Variants in PCDHGA4 observed in about 807,000 individuals in gnomAD.
PCDHGA4 encodes the protein protocadherin gamma subfamily A, 4, also known as protocadherin gamma-A4.
Under a neutral mutation model 54.6 loss-of-function variants are expected in PCDHGA4, and 38 were observed. The observed-to-expected ratio is 0.70, with a 90% CI of 0.54 to 0.91. The LOEUF (loss-of-function observed/expected upper bound fraction) is 0.91. Among genes scored for constraint, PCDHGA4 ranks in the 40% least tolerant of loss-of-function variants. PCDHGA4 has a pLI of 0.00. For synonymous variants in PCDHGA4, 511 were observed against 512.9 expected (o/e 1.00, Z 0.05); for missense variants, 1,298 against 1,220.9 (o/e 1.06, Z -0.94).
chr5:141,400,175 A>G (rs374505357), intron 1 of PCDHGA4: 1 of 1,613,918 alleles, frequency 6.2e-7, no homozygotes, highest in Non-Finnish European at 8.5e-7. Flanking sequence ...CCCCAGGCTG[A>G]GCTGCAGTTT....
rs946798767 is a variant in PCDHGA4 at position 141,438,591 on chromosome 5, C to CATATAT, written c.2515-56176_2515-56171dup. Among the ~76,000 whole-genome samples the CATATAT allele has an allele frequency of 1.5e-3, 111 of 75,470 alleles. 1 individual carries two copies. Among genetic ancestry groups the CATATAT allele is most frequent in the Non-Finnish European group, 2.3e-3 (84 of 37,244 alleles). 49.5% of individuals were successfully genotyped at this position (75,470 alleles called of 152,430 possible). A position where few individuals can be genotyped will look rare whatever the true frequency, so the allele number is the denominator to read the frequency against. ...TCTGATATACATACATACATACATA[C>CATATAT]ATATATATATATATATATATATATA... On this transcript the variant is annotated intron_variant, in intron 1 of 3. Transcript: ENST00000571252.
intron 1 of PCDHGA4, 161 bp downstream of exon 1, chr5:141,357,782 G>A: frequency 1.2e-6 from 1 of 860,438 alleles, no homozygotes; most frequent in Non-Finnish European, 1.7e-6. Context: ...ATGATCAACA[G>A]TATTTACCAC....
chr5:141,376,321 T>A (rs764863792), intron 1 of PCDHGA4: 5 of 1,614,176 alleles, frequency 3.1e-6, no homozygotes, highest in African/African-American at 1.3e-5. Flanking sequence ...TGGAAGGGGT[T>A]CGGGCTTTCC....
chr5:141,464,530 T>C (rs375523203), intron 1 of PCDHGA4, among the ~76,000 whole-genome samples: 1 of 152,108 alleles, frequency 6.6e-6, no homozygotes, highest in African/African-American at 2.4e-5. Flanking sequence ...TATGTAGTTT[T>C]GTTAAATATA....
chr5:141,411,285 A>C (rs2095477948), intron 1 of PCDHGA4: 1 of 152,218 alleles, frequency 6.6e-6, no homozygotes, highest in South Asian at 2.1e-4. Flanking sequence ...AAAAATATTC[A>C]GAAGACAGGC....
At position 141,356,958 on chromosome 5, in the gene PCDHGA4, C is replaced by T; in HGVS notation, c.1851C>T (p.Tyr617=). 1 of 1,614,256 alleles carries T rather than the reference C, an allele frequency of 6.2e-7. No homozygotes were observed. The highest frequency in any genetic ancestry group is 8.5e-7 in the Non-Finnish European group (1 of 1,180,046). ...ELAPRSADSG[Y]LVTKVVAVDR... is the part of the protein sequence containing the mutation. ...CACCCCGCTCCGCAGATTCCGGCTA[C>T]CTGGTGACCAAAGTGGTGGCAGTGG... The change falls in exon 1 of 4, where the codon TAC becomes TAT. Residue 617 remains tyrosine, a synonymous_variant. Transcript: ENST00000571252.
rs759346998 is a variant in PCDHGA4 at position 141,410,849 on chromosome 5, C to CTTTTTTTTTT, written c.2514+53241_2514+53250dup. ...CAGACTGAAGATATTTTGTCTTTGT[C>CTTTTTTTTTT]TTTTTTTTTTTTTTTTTTTTTTGAG... On this transcript the variant is annotated intron_variant, in intron 1 of 3. Coordinates refer to ENST00000571252, the MANE Select transcript of PCDHGA4 (RefSeq NM_018917.4). 91 of 138,162 alleles carry CTTTTTTTTTT rather than the reference C, an allele frequency of 6.6e-4. 6 individuals are homozygous for CTTTTTTTTTT. The highest frequency in any genetic ancestry group is 2.3e-3 in the African/African-American group (38 of 16,624). The allele number at this position is 138,162 out of a possible 1,614,324, so 8.6% of individuals were successfully genotyped here. A position where few individuals can be genotyped will look rare whatever the true frequency, so the allele number is the denominator to read the frequency against.
chr5:141,372,307 C>T, intron 1 of PCDHGA4: 3 of 1,613,452 alleles, frequency 1.9e-6, no homozygotes, highest in Non-Finnish European at 2.5e-6. Context: ...AGGGAGGCCG[C>T]CCGCCAGCGC....
Position 141,355,859 on chromosome 5 carries a change from C to G in PCDHGA4, c.752C>G (p.Pro251Arg). Residue 251 changes from proline (P) to arginine (R), a missense_variant, in exon 1 of 4, where the codon CCG becomes CGG. By Grantham distance (103) the Pro-to-Arg change is moderately radical. Coordinates refer to ENST00000571252, the MANE Select transcript of PCDHGA4 (RefSeq NM_018917.4). Reference protein sequence around the residue: ...LVLTAFDGGDPVRSGTARILI... With the variant: ...LVLTAFDGGDRVRSGTARILI... ...CTCACGGCCTTCGATGGAGGTGACC[C>G]GGTTCGCTCTGGCACTGCCAGGATT... 6.2e-7 allele frequency: 1 copy of G among 1,612,324 alleles called. No individual in the cohort carries two copies. The highest frequency in any genetic ancestry group is 8.5e-7 in the Non-Finnish European group (1 of 1,179,108).
chr5:141,465,430 C>T (rs1212434943), intron 1 of PCDHGA4, among the ~76,000 whole-genome samples: 2 of 152,150 alleles, frequency 1.3e-5, no homozygotes, highest in Non-Finnish European at 2.9e-5. Context: ...AAGGTGGGCA[C>T]TTAATGATTA....
At chr5:141,412,792 C>T (rs1387029327) in intron 1 of PCDHGA4, among the ~76,000 whole-genome samples, 1 of 152,194 alleles carries the variant, frequency 6.6e-6, no homozygotes. Flanking sequence ...TCCACTTTAT[C>T]ACACCTCCCC....
chr5:141,504,461 C>T (rs1485490028), intron 2 of PCDHGA4, among the ~76,000 whole-genome samples: 1 of 151,900 alleles, frequency 6.6e-6, no homozygotes, highest in Non-Finnish European at 1.5e-5. Flanking sequence ...GTGGGGCAGC[C>T]GCTGGGATGG....
Position 141,487,295 on chromosome 5 carries a change from T to C in PCDHGA4, c.2515-7512T>C, listed in dbSNP as rs2099642474. The C allele has an allele frequency of 5.6e-6, 9 of 1,614,164 alleles. No individual in the cohort carries two copies. In the East Asian group the frequency reaches 1.3e-4, roughly 24 times the overall value. ...AATTTGCTTTGTCTCCTTTGGCTCA[T>C]TCGTGGCACTACTCTCTAAGTGTCT... On this transcript the variant is annotated intron_variant, in intron 1 of 3. Transcript: ENST00000571252. This position sits in a 1 kb window ranked among gnomAD's most constrained non-coding sequence, Gnocchi z 5.0.
Position 141,422,740 on chromosome 5 carries a change from T to C in PCDHGA4, c.2514+65119T>C, listed in dbSNP as rs536737009. The C allele has an allele frequency of 2.7e-5, 43 of 1,609,962 alleles. 1 individual carries two copies. In the South Asian group the frequency reaches 4.8e-4, roughly 18 times the overall value. On this transcript the variant is annotated intron_variant, in intron 1 of 3. Transcript: ENST00000571252. ...TGTCCAGGGGGTGCCTCTGTCCTCC[T>C]ATGTCTCTATTAACTCCAACACTGG... is the stretch of plus-strand genomic sequence containing the variant.
intron 1 of PCDHGA4, among the ~76,000 whole-genome samples, chr5:141,454,796 ATTTTTTTTT>A (rs61612330): frequency 1.2e-4 from 9 of 77,408 alleles, no homozygotes; most frequent in Admixed American, 5.4e-4. Context: ...CATGGTTCTA[ATTTTTTTTT>A]TTTTTTTTTT....
intron 1 of PCDHGA4, chr5:141,392,784 A>G: frequency 6.5e-7 from 1 of 1,546,632 alleles, no homozygotes. Context: ...CACAGTGAAG[A>G]TTCTGAGAGG....
rs767396941 is a variant in PCDHGA4 at position 141,357,397 on chromosome 5, G to T, written c.2290G>T (p.Ala764Ser). ...RLLHAEGSRLAGVPASHFVGV... is the reference protein window; with the variant it reads ...RLLHAEGSRLSGVPASHFVGV... The stretch of plus-strand genomic sequence containing the variant: ...GCTTCACGCTGAAGGCAGCAGGTTG[G>T]CAGGTGTGCCTGCCTCGCACTTTGT... The change falls in exon 1 of 4, where the codon GCA (alanine) becomes TCA (serine). Residue 764 changes from alanine (A) to serine (S), a missense_variant. By Grantham distance (99) the Ala-to-Ser change is moderately conservative. Transcript: ENST00000571252. 8.7e-6 allele frequency: 14 copies of T among 1,614,242 alleles called. No homozygotes were observed. In the Admixed American group the frequency reaches 2.3e-4, roughly 27 times the overall value.
At position 141,491,265 on chromosome 5, in the gene PCDHGA4, C is replaced by G. The variant is rs868682993; in HGVS notation, c.2515-3542C>G. ...AGGATGAGGACCCTGAGGAAATGCCCAAATCCAGTGACTTCCTCATACACC... is the reference window on the plus strand; with the variant it reads ...AGGATGAGGACCCTGAGGAAATGCCGAAATCCAGTGACTTCCTCATACACC... On this transcript the variant is annotated intron_variant, in intron 1 of 3. Transcript: ENST00000571252. The surrounding 1 kb of genome is among the most constrained non-coding windows in gnomAD (Gnocchi z 6.9). The G allele has an allele frequency of 6.2e-7, 1 of 1,614,074 alleles. No individual in the cohort carries two copies. The highest frequency in any genetic ancestry group is 8.5e-7 in the Non-Finnish European group (1 of 1,179,916).
At chr5:141,375,564 A>G (rs1771592295) in intron 1 of PCDHGA4, 3 of 1,613,974 alleles carry the variant, frequency 1.9e-6, no homozygotes, top group African/African-American at 1.3e-5. Flanking sequence ...CTGGCAGAAG[A>G]CACCCTCCAG....
Sources: allele counts gnomAD v4.1 joint callset (sites outside exome capture counted in the v4.1 genomes callset), GRCh38; gene constraint gnomAD v4.1.1; non-coding constraint Gnocchi (gnomAD v3.1); transcripts MANE v1.5; gene names NCBI Gene and HGNC (gene_info 2026-07-23, HGNC 2026-07-21).